COL4A6: variants seen among roughly 807,000 people sequenced by gnomAD.
The protein encoded by COL4A6 is collagen type IV alpha 6 chain.
A neutral mutation model predicts 126.7 loss-of-function variants in COL4A6; 59 were observed. That is an observed-to-expected ratio of 0.47 (90% CI 0.38 to 0.58). COL4A6 has a LOEUF of 0.58. Ranked by LOEUF, COL4A6 falls within the 20% of genes least tolerant of loss-of-function variation. The pLI is 0.00. For synonymous variants in COL4A6, 547 were observed against 496.6 expected (o/e 1.10, Z -1.35); for missense variants, 1,285 against 1,337.3 (o/e 0.96, Z 0.61).
chrX:108,433,032 T>G (rs1014701445), intron 2 of COL4A6, among the ~76,000 whole-genome samples: 1 of 111,135 alleles, frequency 9.0e-6, no homozygotes, highest in Admixed American at 9.5e-5. Context: ...GTAGACTCAG[T>G]TGAGACTATA....
At chrX:108,339,580 T>C (rs1258533029) in intron 2 of COL4A6, among the ~76,000 whole-genome samples, 1 of 111,705 alleles carries the variant, frequency 9.0e-6, no homozygotes, top group African/African-American at 3.3e-5. Context: ...CTCTTAAACA[T>C]AGCTTTCAAA....
intron 3 of COL4A6, among the ~76,000 whole-genome samples, chrX:108,275,950 T>C (rs1428638624): frequency 8.9e-6 from 1 of 112,851 alleles, no homozygotes; most frequent in East Asian, 2.8e-4. Context: ...ACATACTCTA[T>C]GAAAGCAGGC....
At chrX:108,218,485 A>G (rs756363380) in intron 5 of COL4A6, among the ~76,000 whole-genome samples, 20 of 112,502 alleles carry the variant, frequency 1.8e-4, no homozygotes, top group Admixed American at 7.5e-4. Flanking sequence ...TTGTTGATAC[A>G]TGCAACAGAT....
At chrX:108,235,842 C>T (rs763584079) in intron 3 of COL4A6, among the ~76,000 whole-genome samples, 1 of 110,141 alleles carries the variant, frequency 9.1e-6, no homozygotes, top group African/African-American at 3.3e-5. Context: ...GATGGGAAAT[C>T]GAGGAGGGGG....
rs781136098 is a variant in COL4A6, at chrX:108,193,587, T to C, written c.1072+41A>G. On this transcript the variant is annotated intron_variant, in intron 17 of 44. Coordinates refer to ENST00000334504, the MANE Select transcript of COL4A6 (RefSeq NM_033641.4). The stretch of plus-strand genomic sequence containing the variant: ...ATTACAGGGGATATAGGATTTAACT[T>C]CCTGTCTTTATTTTCCACTCAAATT... 8 of 1,060,204 alleles carry C rather than the reference T, an allele frequency of 7.5e-6. No homozygotes were observed. In the East Asian group the frequency reaches 2.4e-4, roughly 32 times the overall value. The allele number at this position is 1,060,204 out of a possible 1,213,427, so 87.4% of individuals were successfully genotyped here.
intron 23 of COL4A6, among the ~76,000 whole-genome samples, chrX:108,182,898 G>A (rs2034730236): frequency 1.8e-5 from 2 of 112,612 alleles, no homozygotes; most frequent in Non-Finnish European, 3.7e-5. Context: ...ATCTGTGACA[G>A]CCAGATAAAA....
At chrX:108,428,697 A>T (rs1485923526) in intron 2 of COL4A6, among the ~76,000 whole-genome samples, 1 of 111,572 alleles carries the variant, frequency 9.0e-6, no homozygotes, top group Non-Finnish European at 1.9e-5. Context: ...AAAAAAAAAG[A>T]TTCATGGGTT....
chrX:108,157,265 AACAG>A lies in COL4A6; in HGVS notation c.4813-9_4813-6del, dbSNP rs751229643. ...CTCGGCACCAGCGGCAGTGTGCTGA[AACAG>A]ACAGGAGATTAGTGCATGAGCTGTG... On this transcript the variant is annotated splice_region_variant and splice_polypyrimidine_tract_variant and intron_variant, in intron 44 of 44. Transcript: ENST00000334504. The A allele has an allele frequency of 1.4e-5, 17 of 1,207,321 alleles. No individual in the cohort carries two copies. Among genetic ancestry groups the A allele is most frequent in the Non-Finnish European group, 1.8e-5 (16 of 893,054 alleles).
intron 25 of COL4A6, among the ~76,000 whole-genome samples, chrX:108,180,157 T>C (rs1409372976): frequency 9.0e-6 from 1 of 110,880 alleles, no homozygotes; most frequent in Non-Finnish European, 1.9e-5. Flanking sequence ...AAGGAGTTGA[T>C]CCAGGAAACT....
At chrX:108,245,067 CAG>C (rs1321948402) in intron 3 of COL4A6, among the ~76,000 whole-genome samples, 1 of 112,412 alleles carries the variant, frequency 8.9e-6, no homozygotes, top group Non-Finnish European at 1.9e-5. Flanking sequence ...GGTAAAATCA[CAG>C]AGGAAAACAC....
chrX:108,235,512 C>T (rs977869430), intron 3 of COL4A6, among the ~76,000 whole-genome samples: 7 of 111,154 alleles, frequency 6.3e-5, no homozygotes, highest in African/African-American at 2.3e-4. Flanking sequence ...GCATTTAACT[C>T]AAAGAGAGAT....
chrX:108,157,052 C>T lies in COL4A6; in HGVS notation c.5021G>A (p.Gly1674Glu). The change falls in exon 45 of 45, where the codon GGG becomes GAG. Residue 1674 changes from glycine (G) to glutamate (E), a missense_variant. Physicochemically the swap from Gly to Glu is moderately conservative, Grantham distance 98. Coordinates refer to ENST00000334504, the MANE Select transcript of COL4A6 (RefSeq NM_033641.4). ...ELPVSETLKA[G>E]QLHTRVSRCQ... The stretch of plus-strand genomic sequence containing the variant: ...GCGACTGACTCGAGTGTGGAGCTGC[C>T]CAGCTTTCAGCGTTTCAGACACAGG... The T allele has an allele frequency of 1.7e-6, 2 of 1,211,798 alleles. No homozygotes were observed. The highest frequency in any genetic ancestry group is 5.9e-5 in the East Asian group (2 of 33,840).
chrX:108,242,528 A>C (rs2148324572), intron 3 of COL4A6, among the ~76,000 whole-genome samples: 1 of 112,304 alleles, frequency 8.9e-6, no homozygotes, highest in Non-Finnish European at 1.9e-5. Context: ...CCCTCTTAAT[A>C]AATAAATATT....
At chrX:108,234,095 G>T (rs1326233042) in intron 3 of COL4A6, among the ~76,000 whole-genome samples, 1 of 111,650 alleles carries the variant, frequency 9.0e-6, no homozygotes, top group African/African-American at 3.3e-5. Context: ...ACAAGTTTAC[G>T]TTGGTGAAGT....
chrX:108,380,803 G>T (rs1225995077), intron 2 of COL4A6, among the ~76,000 whole-genome samples: 1 of 112,052 alleles, frequency 8.9e-6, no homozygotes, highest in African/African-American at 3.2e-5. Flanking sequence ...TCAAAAAGTA[G>T]CTGTGTATTC....
At chrX:108,315,359 C>A (rs1056212101) in intron 2 of COL4A6, among the ~76,000 whole-genome samples, 7 of 111,186 alleles carry the variant, frequency 6.3e-5, no homozygotes, top group Non-Finnish European at 9.4e-5. Context: ...TCTGCCTCAG[C>A]TTCCTGAGTA....
At chrX:108,296,789 C>G (rs1207114216) in intron 3 of COL4A6, among the ~76,000 whole-genome samples, 1 of 111,898 alleles carries the variant, frequency 8.9e-6, no homozygotes, top group African/African-American at 3.3e-5. Flanking sequence ...TTCATTCATT[C>G]AACAAAACAA....
rs929881343 is a variant in COL4A6 at position 108,169,540 on chromosome X, C to T, written c.3646G>A (p.Gly1216Arg). 25 of 1,211,751 alleles carry T rather than the reference C, an allele frequency of 2.1e-5. No homozygotes were observed. The highest frequency in any genetic ancestry group is 2.6e-5 in the Non-Finnish European group (23 of 895,496). The part of the protein sequence containing the change: ...GEKGYPGIGI[G>R]APGKPGLRGQ... Reference sequence around the variant, plus strand: ...CTCAGGCCCGGCTTCCCTGGAGCTCCGATGCCAATTCCTGGATATCCTTTT... The same window carrying T: ...CTCAGGCCCGGCTTCCCTGGAGCTCTGATGCCAATTCCTGGATATCCTTTT... The change falls in exon 37 of 45, where the codon GGA (glycine) becomes AGA (arginine). Residue 1216 changes from glycine (G) to arginine (R), a missense_variant. Transcript: ENST00000334504.
intron 2 of COL4A6, among the ~76,000 whole-genome samples, chrX:108,366,147 T>A (rs1454118606): frequency 4.5e-5 from 5 of 111,691 alleles, no homozygotes; most frequent in Non-Finnish European, 9.4e-5. Context: ...AATGTCCAGT[T>A]CATGAGACAT....
Sources: allele counts gnomAD v4.1 joint callset (sites outside exome capture counted in the v4.1 genomes callset), GRCh38; gene constraint gnomAD v4.1.1; transcripts MANE v1.5; gene names NCBI Gene and HGNC (gene_info 2026-07-23, HGNC 2026-07-21).